The following NLGN2 variants were observed in gnomAD, a reference collection of about 807,000 sequenced individuals.
NLGN2 encodes neuroligin 2.
Under a neutral mutation model 48.6 loss-of-function variants are expected in NLGN2, and 11 were observed. That is an observed-to-expected ratio of 0.23 (90% CI 0.14 to 0.37). The LOEUF is 0.37. NLGN2 is among the 10% of genes least tolerant of loss of function. NLGN2 has a pLI of 1.00. For synonymous variants in NLGN2, 548 were observed against 550.0 expected (o/e 1.00, Z 0.05); for missense variants, 801 against 1,225.2 (o/e 0.65, Z 5.17).
chr17:7,407,416 A>G (rs758419567), upstream of NLGN2, among the ~76,000 whole-genome samples: 1 of 152,146 alleles, frequency 6.6e-6, no homozygotes, highest in Non-Finnish European at 1.5e-5. Context: ...TCCTTAGCGA[A>G]TGGTGTGTTG....
At chr17:7,415,171 G>C in intron 5 of NLGN2, 23 bp downstream of exon 5, 1 of 1,568,190 alleles carries the variant, frequency 6.4e-7, no homozygotes, top group Non-Finnish European at 8.6e-7. Context: ...AGAGGGCTGG[G>C]TCCAGGCCTT....
At position 7,412,182 on chromosome 17, in the gene NLGN2, G is replaced by A. The variant is rs1906927649; in HGVS notation, c.483G>A (p.Glu161=). Residue 161 remains glutamate, a synonymous_variant, in exon 2 of 7, where the codon GAG becomes GAA. Coordinates refer to ENST00000302926, the MANE Select transcript of NLGN2 (RefSeq NM_020795.4). The stretch of plus-strand genomic sequence containing the variant: ...GTCCGCTCACAAAAAAACGTGACGA[G>A]GCGACGCTCAATCCGCCAGACACAG... ...EDGPLTKKRD[E]ATLNPPDTDI... The A allele has an allele frequency of 1.2e-6, 2 of 1,612,116 alleles. No individual in the cohort carries two copies. The highest frequency in any genetic ancestry group is 4.5e-5 in the East Asian group (2 of 44,794).
At position 7,415,149 on chromosome 17, in the gene NLGN2, G is replaced by A; in HGVS notation, c.1037+1G>A. ...TGGACCAGGACGTGCAGCCTGCCCGGTATGGGGTGGGAGAGGGCTGGGTCC... is the reference window on the plus strand; with the variant it reads ...TGGACCAGGACGTGCAGCCTGCCCGATATGGGGTGGGAGAGGGCTGGGTCC... On this transcript the variant is annotated splice_donor_variant, in intron 5 of 6. Transcript: ENST00000302926. LOFTEE classifies it high-confidence loss of function. 6.3e-7 allele frequency: 1 copy of A among 1,591,202 alleles called. No homozygotes were observed. Among genetic ancestry groups the A allele is most frequent in the Non-Finnish European group, 8.6e-7 (1 of 1,168,794 alleles).
intron 1 of NLGN2, 116 bp from the exon 2 acceptor site, chr17:7,412,041 C>T (rs1242600031): frequency 1.2e-5 from 5 of 433,996 alleles, no homozygotes; most frequent in South Asian, 6.8e-5. Context: ...TTCTGCCTCC[C>T]CCACCCTCCC....
At position 7,414,340 on chromosome 17, in the gene NLGN2, A is replaced by G. The variant is rs1045777947; in HGVS notation, c.509-4A>G. On this transcript the variant is annotated splice_region_variant and splice_polypyrimidine_tract_variant and intron_variant, in intron 2 of 6. Coordinates refer to ENST00000302926, the MANE Select transcript of NLGN2 (RefSeq NM_020795.4). ...GGCCCACCTGCCCACCCCTCCCCAC[A>G]CAGATATCCGTGACCCTGGGAAGAA... 1 of 1,034,696 alleles carries G rather than the reference A, an allele frequency of 9.7e-7. No homozygotes were observed. Among genetic ancestry groups the G allele is most frequent in the East Asian group, 2.5e-5 (1 of 40,302 alleles). 64.1% of individuals were successfully genotyped at this position (1,034,696 alleles called of 1,614,324 possible). A position where few individuals can be genotyped will look rare whatever the true frequency, so the allele number is the denominator to read the frequency against.
chr17:7,410,707 T>G (rs1393551096), intron 1 of NLGN2, among the ~76,000 whole-genome samples: 2 of 152,046 alleles, frequency 1.3e-5, no homozygotes, highest in African/African-American at 4.8e-5. Context: ...TGCCCACACC[T>G]TCTGTATTTT....
chr17:7,409,917 C>T (rs1306734119), intron 1 of NLGN2, among the ~76,000 whole-genome samples: 1 of 152,148 alleles, frequency 6.6e-6, no homozygotes, highest in Non-Finnish European at 1.5e-5. Context: ...CCCACACACA[C>T]CTGTGCTCCC....
chr17:7,412,260 T>C (rs369736474), intron 2 of NLGN2, 53 bp downstream of exon 2: 4 of 1,389,726 alleles, frequency 2.9e-6, no homozygotes, highest in Non-Finnish European at 4.1e-6. Flanking sequence ...AGGACATTCA[T>C]GGCCCTGCCC....
In NLGN2 at chr17:7,410,820, G is replaced by A. The variant is rs367627857; in HGVS notation, c.458-1337G>A. On this transcript the variant is annotated intron_variant, in intron 1 of 6. Transcript: ENST00000302926. ...GAGGAAGAGGTTGACTCAGGCGCGC[G>A]CGCGCACACACACACGCGCTTCATA... 4.3e-4 allele frequency among the ~76,000 whole-genome samples: 65 copies of A among 151,372 alleles called. No individual in the cohort carries two copies. In the South Asian group the frequency reaches 0.013, roughly 29 times the overall value.
chr17:7,417,803 G>T lies in NLGN2; in HGVS notation c.*4G>T. The T allele has an allele frequency of 1.5e-6, 2 of 1,358,892 alleles. No homozygotes were observed. The highest frequency in any genetic ancestry group is 7.4e-5 in the Admixed American group (2 of 27,146). The allele number at this position is 1,358,892 out of a possible 1,614,324, so 84.2% of individuals were successfully genotyped here. On this transcript the variant is annotated 3_prime_UTR_variant, in exon 7 of 7. Coordinates refer to ENST00000302926, the MANE Select transcript of NLGN2 (RefSeq NM_020795.4). ...CCACTCCACCACTCGGGTATAGGGG[G>T]TGGGTGGGGAGGCCCTCCTCCCCGG...
Position 7,417,706 on chromosome 17 carries a change from C to A in NLGN2, c.2415C>A (p.Ser805=). Residue 805 remains serine, a synonymous_variant, in exon 7 of 7, where the codon TCC becomes TCA. Transcript: ENST00000302926. ...LGPPPPPPPP[S]LHPFGPFPPP... ...CACCGCCACCCCCACCGCCCCCCTC[C>A]CTTCATCCCTTCGGGCCCTTCCCCC... The A allele has an allele frequency of 2.3e-6, 3 of 1,304,498 alleles. No individual in the cohort carries two copies. Among genetic ancestry groups the A allele is most frequent in the Non-Finnish European group, 9.9e-7 (1 of 1,012,324 alleles). 80.8% of individuals were successfully genotyped at this position (1,304,498 alleles called of 1,614,324 possible). A position where few individuals can be genotyped will look rare whatever the true frequency, so the allele number is the denominator to read the frequency against.
Position 7,416,105 on chromosome 17 carries a change from T to A in NLGN2, c.1632T>A (p.Thr544=). 1 of 760,226 alleles carries A rather than the reference T, an allele frequency of 1.3e-6. No individual in the cohort carries two copies. The highest frequency in any genetic ancestry group is 2.1e-6 in the Non-Finnish European group (1 of 476,782). 47.1% of individuals were successfully genotyped at this position (760,226 alleles called of 1,614,324 possible). Residue 544 remains threonine (T), a splice_region_variant and synonymous_variant, in exon 6 of 7, where the codon ACT becomes ACA. Transcript: ENST00000302926. ...VMTYWTNFAK[T]GDPNQPVPQD... Reference sequence around the variant, plus strand: ...CCTACTGGACCAACTTCGCCAAGACTGGGTGAGGGCCAGAGGGGCTGGGCG... The same window carrying A: ...CCTACTGGACCAACTTCGCCAAGACAGGGTGAGGGCCAGAGGGGCTGGGCG...
At chr17:7,410,049 C>T (rs1396603939) in intron 1 of NLGN2, among the ~76,000 whole-genome samples, 1 of 152,044 alleles carries the variant, frequency 6.6e-6, no homozygotes, top group Non-Finnish European at 1.5e-5. Context: ...CAACACTCCT[C>T]AATCATTGTT....
chr17:7,412,980 C>T (rs1425282226), intron 2 of NLGN2, among the ~76,000 whole-genome samples: 2 of 152,104 alleles, frequency 1.3e-5, no homozygotes, highest in Non-Finnish European at 2.9e-5. Context: ...CTTCCTGCTC[C>T]TTCCCTTTCT....
chr17:7,417,631 G>T lies in NLGN2; in HGVS notation c.2340G>T (p.Val780=). ...TLALRRAPDD[V]PLLAPGALTL... Reference sequence around the variant, plus strand: ...CCCTGCGCCGGGCACCGGACGATGTGCCTCTCTTGGCCCCCGGGGCCCTGA... The same window carrying T: ...CCCTGCGCCGGGCACCGGACGATGTTCCTCTCTTGGCCCCCGGGGCCCTGA... Residue 780 remains valine, a synonymous_variant, in exon 7 of 7, where the codon GTG becomes GTT. Transcript: ENST00000302926. 7.1e-7 allele frequency: 1 copy of T among 1,412,092 alleles called. No homozygotes were observed. Among genetic ancestry groups the T allele is most frequent in the Non-Finnish European group, 9.2e-7 (1 of 1,092,610 alleles). The allele number at this position is 1,412,092 out of a possible 1,614,324, so 87.5% of individuals were successfully genotyped here.
rs754219794 is a variant in NLGN2 at position 7,417,262 on chromosome 17, C to CGAGCCCGAGCCT, written c.1972_1973insAGCCCGAGCCTG (p.Glu654_Pro657dup). ...TGCCTCCCGAGCCCGAGCCCGAGCC[C>CGAGCCCGAGCCT]GGCCCAAGGGCCTATGACCGCTTCC... On this transcript the variant is annotated inframe_insertion, in exon 7 of 7. Coordinates refer to ENST00000302926, the MANE Select transcript of NLGN2 (RefSeq NM_020795.4). 5 of 1,563,274 alleles carry CGAGCCCGAGCCT rather than the reference C, an allele frequency of 3.2e-6. No individual in the cohort carries two copies. Among genetic ancestry groups the CGAGCCCGAGCCT allele is most frequent in the Middle Eastern group, 1.7e-4 (1 of 5,876 alleles).
chr17:7,417,917 C>T lies in NLGN2; in HGVS notation c.*118C>T, dbSNP rs1907208647. On this transcript the variant is annotated 3_prime_UTR_variant, in exon 7 of 7. Transcript: ENST00000302926. ...GGAGTCGTCACACGCCATCCAGCAG[C>T]GCTAAGGTGGACATGGGATTCCTCC... is the stretch of plus-strand genomic sequence containing the variant. 9.7e-6 allele frequency: 9 copies of T among 931,462 alleles called. No homozygotes were observed. Among genetic ancestry groups the T allele is most frequent in the Middle Eastern group, 3.7e-4 (1 of 2,724 alleles). 57.7% of individuals were successfully genotyped at this position (931,462 alleles called of 1,614,324 possible). A position where few individuals can be genotyped will look rare whatever the true frequency, so the allele number is the denominator to read the frequency against.
chr17:7,406,655 G>C (rs966196620), upstream of NLGN2, among the ~76,000 whole-genome samples: 1 of 139,930 alleles, frequency 7.1e-6, no homozygotes, highest in African/African-American at 2.6e-5. Context: ...TGGGGGGGCG[G>C]GGGGGGGGCT....
chr17:7,408,846 T>C lies in NLGN2; in HGVS notation c.457+134T>C. The C allele has an allele frequency of 1.3e-6, 2 of 1,493,402 alleles. No homozygotes were observed. Among genetic ancestry groups the C allele is most frequent in the South Asian group, 2.4e-5 (2 of 85,004 alleles). The allele number at this position is 1,493,402 out of a possible 1,614,324, so 92.5% of individuals were successfully genotyped here. On this transcript the variant is annotated intron_variant, in intron 1 of 6. Coordinates refer to ENST00000302926, the MANE Select transcript of NLGN2 (RefSeq NM_020795.4). The surrounding 1 kb of genome is among the most constrained non-coding windows in gnomAD (Gnocchi z 7.5). ...GGGGCAGTGAGGGACGGAGTGTCCC[T>C]GCAACCTCTACGTGCCCCCTGAGGA...
Sources: allele counts gnomAD v4.1 joint callset (sites outside exome capture counted in the v4.1 genomes callset), GRCh38; gene constraint gnomAD v4.1.1; non-coding constraint Gnocchi (gnomAD v3.1); transcripts MANE v1.5; gene names NCBI Gene and HGNC (gene_info 2026-07-23, HGNC 2026-07-21).